MACF1: variants seen among roughly 807,000 people sequenced by gnomAD.
The protein encoded by MACF1 is microtubule-actin cross-linking factor 1.
MACF1 carries 193 observed loss-of-function variants against 854.8 expected under a neutral mutation model. The observed-to-expected ratio is 0.23, with a 90% CI of 0.20 to 0.25. The LOEUF (loss-of-function observed/expected upper bound fraction) is 0.25, where lower values mean the gene tolerates loss of function less well. MACF1 is among the 10% of genes least tolerant of loss of function. The pLI is 1.00. For missense variants in MACF1, 7,722 were observed against 8,929.1 expected (o/e 0.86, Z 5.45); for synonymous variants, 3,185 against 3,226.7 (o/e 0.99, Z 0.44).
At chr1:39,228,176 G>T (rs529019797) in intron 1 of MACF1, among the ~76,000 whole-genome samples, 1 of 152,070 alleles carries the variant, frequency 6.6e-6, no homozygotes, top group Non-Finnish European at 1.5e-5. Flanking sequence ...CGGACGTGGT[G>T]GGTGGGCACC....
intron 15 of MACF1, 50 bp from the exon 16 acceptor site, chr1:39,291,860 C>G: frequency 1.3e-6 from 2 of 1,575,104 alleles, no homozygotes. Context: ...GACCATTTTC[C>G]TACCAAGCCA....
chr1:39,360,032 T>A (rs867973442), intron 47 of MACF1, among the ~76,000 whole-genome samples: 14 of 78,918 alleles, frequency 1.8e-4, no homozygotes, highest in Admixed American at 4.8e-4. Context: ...TATATATATA[T>A]ATATATATAT....
At chr1:39,416,632 A>G (rs1436250274) in intron 58 of MACF1, among the ~76,000 whole-genome samples, 3 of 152,250 alleles carry the variant, frequency 2.0e-5, no homozygotes, top group Non-Finnish European at 2.9e-5. Context: ...AGTCTCTGGA[A>G]TCCTTGTTTC....
At chr1:39,221,542 T>C (rs1223247536) in intron 1 of MACF1, among the ~76,000 whole-genome samples, 1 of 152,160 alleles carries the variant, frequency 6.6e-6, no homozygotes, top group African/African-American at 2.4e-5. Flanking sequence ...ATCGGTAACC[T>C]CTTTCTGTTT....
chr1:39,289,273 C>T (rs1645717471), intron 15 of MACF1, among the ~76,000 whole-genome samples: 1 of 152,174 alleles, frequency 6.6e-6, no homozygotes, highest in Non-Finnish European at 1.5e-5. Context: ...ATTGCTGGAT[C>T]ATACAGTAGC....
rs1402289181 is a variant in MACF1, at chr1:39,380,388, G to A, written c.13648+15G>A. 2.5e-6 allele frequency: 4 copies of A among 1,607,668 alleles called. No homozygotes were observed. The highest frequency in any genetic ancestry group is 3.4e-6 in the Non-Finnish European group (4 of 1,177,704). On this transcript the variant is annotated intron_variant, in intron 55 of 100. Coordinates refer to ENST00000564288, the MANE Select transcript of MACF1 (RefSeq NM_001394062.1). ...GGAAGAACTCAGTAAGTTTTCACAA[G>A]AGTGTTACAAATTTGCTAAGTTACT...
intron 23 of MACF1, 29 bp from the exon 24 acceptor site, chr1:39,309,541 G>A: frequency 6.2e-7 from 1 of 1,613,084 alleles, no homozygotes. Context: ...TCTTACAAAG[G>A]TAATAGTCAG....
At chr1:39,257,544 C>T (rs749937507) in intron 5 of MACF1, 3 of 166,514 alleles carry the variant, frequency 1.8e-5, no homozygotes, top group South Asian at 1.5e-4. Flanking sequence ...CCTCGTGATC[C>T]GCCTGTCTCA....
chr1:39,473,806 A>G (rs568127614), intron 97 of MACF1, among the ~76,000 whole-genome samples: 1 of 152,316 alleles, frequency 6.6e-6, no homozygotes, highest in Admixed American at 6.5e-5. Flanking sequence ...CCAAAGGTAA[A>G]TTAAGATGAT....
intron 73 of MACF1, 23 bp downstream of exon 73, chr1:39,441,148 C>G: frequency 6.2e-7 from 1 of 1,614,106 alleles, no homozygotes; most frequent in Non-Finnish European, 8.5e-7. Flanking sequence ...GGATGAGGCA[C>G]TCAGTTAGAA....
chr1:39,123,466 C>CCAAA (rs994965354), intron 2 of MACF1, among the ~76,000 whole-genome samples: 76 of 151,832 alleles, frequency 5.0e-4, no homozygotes, highest in African/African-American at 1.8e-3. Flanking sequence ...CCTCGGCATC[C>CCAAA]CAAAGTGTTG....
At chr1:39,122,904 G>A (rs1010395083) in intron 2 of MACF1, among the ~76,000 whole-genome samples, 3 of 152,242 alleles carry the variant, frequency 2.0e-5, no homozygotes, top group East Asian at 3.9e-4. Flanking sequence ...CATTGTGAAC[G>A]CTGTTAGCTT....
chr1:39,285,500 C>CTTTTT, intron 13 of MACF1, 104 bp from the exon 14 acceptor site: 3 of 1,317,196 alleles, frequency 2.3e-6, no homozygotes, highest in Admixed American at 2.3e-5. Flanking sequence ...TATTATTTCC[C>CTTTTT]TTTTTTTTTT....
chr1:39,175,945 A>AT (rs1644018739), intron 2 of MACF1, among the ~76,000 whole-genome samples: 1 of 145,852 alleles, frequency 6.9e-6, no homozygotes, highest in Non-Finnish European at 1.5e-5. Flanking sequence ...AAAATACAAA[A>AT]AAAAAAAAAA....
At chr1:39,154,988 TCTCTTACCACCTGAGGTTACA>T (rs1186047586) in intron 2 of MACF1, among the ~76,000 whole-genome samples, 1 of 152,166 alleles carries the variant, frequency 6.6e-6, no homozygotes, top group Non-Finnish European at 1.5e-5. Context: ...TAGGGCAGAA[TCTCTTACCACCTGAGGTTACA>T]TCTCACTATT....
intron 6 of MACF1, chr1:39,268,746 A>G (rs1251632740): frequency 1.6e-5 from 20 of 1,288,594 alleles, no homozygotes; most frequent in Non-Finnish European, 1.7e-5. Flanking sequence ...GTCAATAGCT[A>G]TTCCTGAGAA....
Position 39,273,071 on chromosome 1 carries a change from C to T in MACF1, c.529-9137C>T, listed in dbSNP as rs772508834. 1.2e-4 allele frequency among the ~76,000 whole-genome samples: 19 copies of T among 152,152 alleles called. 1 individual carries two copies. Among genetic ancestry groups the T allele is most frequent in the African/African-American group, 4.6e-4 (19 of 41,502 alleles). On this transcript the variant is annotated intron_variant, in intron 6 of 100. Transcript: ENST00000564288. The stretch of plus-strand genomic sequence containing the variant: ...CTCCTCCCCATCTTGACTTCTGCTG[C>T]CAAGCTCCTGCCCACCTTGTTAGCG...
At chr1:39,117,384 G>A (rs1642574024) in intron 2 of MACF1, among the ~76,000 whole-genome samples, 1 of 152,054 alleles carries the variant, frequency 6.6e-6, no homozygotes, top group Non-Finnish European at 1.5e-5. Context: ...TGCGCTCCTT[G>A]TTTTGTGAAG....
chr1:39,176,121 A>AAAAAAAAAAAAAAAAAAAC, intron 2 of MACF1, among the ~76,000 whole-genome samples: 1 of 127,460 alleles, frequency 7.8e-6, no homozygotes, highest in Non-Finnish European at 1.7e-5. Context: ...AAAAAAAAAA[A>AAAAAAAAAAAAAAAAAAAC]AAAAAAGCCA....
Sources: gnomAD v4.1 joint callset for allele counts (sites outside exome capture counted in the v4.1 genomes callset) on GRCh38, gnomAD v4.1.1 for gene constraint, MANE v1.5 for transcripts, NCBI Gene and HGNC (gene_info 2026-07-23, HGNC 2026-07-21) for gene names.